CCSER1: variants seen among roughly 807,000 people sequenced by gnomAD.
The protein encoded by CCSER1 is coiled-coil serine rich protein 1.
CCSER1 carries 41 observed loss-of-function variants against 82.0 expected under a neutral mutation model. The observed-to-expected ratio is 0.50, with a 90% CI of 0.39 to 0.65. The LOEUF (loss-of-function observed/expected upper bound fraction) is 0.65, where lower values mean the gene tolerates loss of function less well. Among genes scored for constraint, CCSER1 ranks in the 30% least tolerant of loss-of-function variants. The pLI is 0.00. For missense variants in CCSER1, 1,119 were observed against 1,064.2 expected, an observed-to-expected ratio of 1.05 and a Z score of -0.72; for synonymous variants, 414 against 383.9, an observed-to-expected ratio of 1.08 and a Z score of -0.92.
chr4:90,504,929 C>G (rs1038159128), intron 5 of CCSER1, among the ~76,000 whole-genome samples: 16 of 152,016 alleles, frequency 1.1e-4, no homozygotes, highest in Middle Eastern at 3.2e-3. Context: ...GGTCCCTGCA[C>G]CAAATGCCAA....
intron 1 of CCSER1, among the ~76,000 whole-genome samples, chr4:90,243,614 C>T (rs1206043967): frequency 6.6e-6 from 1 of 151,898 alleles, no homozygotes; most frequent in Non-Finnish European, 1.5e-5. Flanking sequence ...TCTTGAACTC[C>T]TGGCCTCAAA....
intron 6 of CCSER1, among the ~76,000 whole-genome samples, chr4:90,706,843 A>G (rs1015472201): frequency 6.6e-6 from 1 of 152,162 alleles, no homozygotes; most frequent in African/African-American, 2.4e-5. Context: ...ATGCTAAACC[A>G]TTTGTCCTTT....
At chr4:90,690,669 T>C (rs1409742687) in intron 6 of CCSER1, among the ~76,000 whole-genome samples, 1 of 152,070 alleles carries the variant, frequency 6.6e-6, no homozygotes, top group Admixed American at 6.6e-5. Flanking sequence ...TCTTTCCTCA[T>C]GCATAAGTGG....
At chr4:90,726,170 G>T (rs575975111) in intron 7 of CCSER1, among the ~76,000 whole-genome samples, 1 of 151,982 alleles carries the variant, frequency 6.6e-6, no homozygotes, top group Non-Finnish European at 1.5e-5. Context: ...AGTCAGTTTT[G>T]GAAGCACTCA....
intron 10 of CCSER1, among the ~76,000 whole-genome samples, chr4:91,577,461 A>AT (rs1197527175): frequency 2.0e-5 from 3 of 151,784 alleles, no homozygotes; most frequent in African/African-American, 7.3e-5. Context: ...AAAAAATAAA[A>AT]TAAAAAAAAA....
At chr4:90,181,160 A>G (rs1191042739) in intron 1 of CCSER1, among the ~76,000 whole-genome samples, 1 of 152,144 alleles carries the variant, frequency 6.6e-6, no homozygotes, top group East Asian at 1.9e-4. Flanking sequence ...AACCAGTGGC[A>G]CACACAATTT....
chr4:91,085,382 T>A (rs1487882923), intron 9 of CCSER1, among the ~76,000 whole-genome samples: 1 of 152,142 alleles, frequency 6.6e-6, no homozygotes, highest in Non-Finnish European at 1.5e-5. Flanking sequence ...AAAGAATAAC[T>A]CTTTCTTCTT....
chr4:91,026,891 G>A (rs942321114), intron 9 of CCSER1, among the ~76,000 whole-genome samples: 4 of 152,038 alleles, frequency 2.6e-5, no homozygotes, highest in Non-Finnish European at 5.9e-5. Context: ...ATGCATTTAC[G>A]TAAATGGGAA....
chr4:91,378,824 G>A (rs891397874), intron 10 of CCSER1, among the ~76,000 whole-genome samples: 1 of 152,096 alleles, frequency 6.6e-6, no homozygotes, highest in Non-Finnish European at 1.5e-5. Context: ...TCCCTGTTTT[G>A]TGCCAGTTTT....
intron 10 of CCSER1, among the ~76,000 whole-genome samples, chr4:91,251,982 C>T (rs1459143142): frequency 6.6e-6 from 1 of 152,038 alleles, no homozygotes; most frequent in Non-Finnish European, 1.5e-5. Context: ...TATAACCATC[C>T]AAGAAGCTCA....
intron 10 of CCSER1, among the ~76,000 whole-genome samples, chr4:91,143,700 A>G (rs1283726926): frequency 6.6e-6 from 1 of 151,942 alleles, no homozygotes; most frequent in Non-Finnish European, 1.5e-5. Flanking sequence ...GTTGTATTTT[A>G]TTGAAAGCTT....
chr4:90,941,341 AT>A (rs1409373045), intron 9 of CCSER1, among the ~76,000 whole-genome samples: 1 of 152,058 alleles, frequency 6.6e-6, no homozygotes, highest in African/African-American at 2.4e-5. Context: ...GTTTTAAATG[AT>A]TTTTTAATGA....
chr4:90,964,289 A>G (rs1018283811), intron 9 of CCSER1, among the ~76,000 whole-genome samples: 2 of 152,184 alleles, frequency 1.3e-5, no homozygotes, highest in African/African-American at 4.8e-5. Flanking sequence ...TTTTGTATCT[A>G]TAAATATAAT....
chr4:90,948,512 A>G (rs990182332), intron 9 of CCSER1, among the ~76,000 whole-genome samples: 4 of 151,830 alleles, frequency 2.6e-5, no homozygotes, highest in African/African-American at 9.7e-5. Flanking sequence ...TAAATACGAG[A>G]AGTATTATGA....
chr4:90,910,987 T>C (rs565029960), intron 8 of CCSER1, among the ~76,000 whole-genome samples: 242 of 152,312 alleles, frequency 1.6e-3, no homozygotes, highest in Admixed American at 5.0e-3. Flanking sequence ...TAAAATATGT[T>C]CTAACCTCTT....
At chr4:90,446,267 A>G (rs116131538) in intron 4 of CCSER1, among the ~76,000 whole-genome samples, 1,830 of 152,294 alleles carry the variant, frequency 0.012, 17 homozygotes, top group South Asian at 0.022. Context: ...AAAATCCAGA[A>G]GAATTTGAGC....
chr4:90,280,691 C>A (rs190421255), intron 1 of CCSER1, among the ~76,000 whole-genome samples: 2 of 152,082 alleles, frequency 1.3e-5, no homozygotes, highest in Admixed American at 6.6e-5. Context: ...TTCTCCAACT[C>A]TCCTCTTTCA....
chr4:90,367,474 A>C (rs182909647), intron 3 of CCSER1, among the ~76,000 whole-genome samples: 2 of 151,938 alleles, frequency 1.3e-5, no homozygotes, highest in African/African-American at 4.8e-5. Context: ...CTTGGCAAAT[A>C]GTGCTTGTGT....
At chr4:91,022,364 G>C (rs1046469048) in intron 9 of CCSER1, among the ~76,000 whole-genome samples, 1 of 151,944 alleles carries the variant, frequency 6.6e-6, no homozygotes, top group African/African-American at 2.4e-5. Context: ...AGTATTCCAT[G>C]GTGTATGGTG....
Sources: gnomAD v4.1 joint callset for allele counts (sites outside exome capture counted in the v4.1 genomes callset) on GRCh38, gnomAD v4.1.1 for gene constraint, MANE v1.5 for transcripts, NCBI Gene and HGNC (gene_info 2026-07-23, HGNC 2026-07-21) for gene names.